DNAH14: variants seen among roughly 807,000 people sequenced by gnomAD.
DNAH14 encodes axonemal beta dynein heavy chain 14.
In DNAH14, 478 loss-of-function variants were observed where a neutral mutation model predicts 520.9. The ratio of observed to expected loss-of-function variants is 0.92; its 90% CI spans 0.85 to 0.99. DNAH14 has a LOEUF of 0.99. Among genes scored for constraint, DNAH14 ranks in the 50% least tolerant of loss-of-function variants. The pLI is 0.00. For synonymous variants in DNAH14, 1,581 were observed against 1,757.2 expected, an observed-to-expected ratio of 0.90 and a Z score of 2.51; for missense variants, 4,831 against 5,234.5, an observed-to-expected ratio of 0.92 and a Z score of 2.38.
chr1:225,380,251 T>G lies in DNAH14; in HGVS notation c.12809T>G (p.Val4270Gly). The G allele has an allele frequency of 6.4e-7, 1 of 1,551,704 alleles. No homozygotes were observed. The highest frequency in any genetic ancestry group is 1.2e-5 in the South Asian group (1 of 84,060). Residue 4270 changes from valine (V) to glycine (G), a missense_variant, in exon 80 of 86, where the codon GTT becomes GGT. Physicochemically the swap from Val to Gly is moderately radical, Grantham distance 109 (BLOSUM62 -3). Coordinates refer to ENST00000682510, the MANE Select transcript of DNAH14 (RefSeq NM_001367479.1). ...PLTVEKEEIA[V>G]GTPSTLKSMM... The stretch of plus-strand genomic sequence containing the variant: ...ACAGTGGAGAAAGAAGAAATTGCTG[T>G]TGGAACTCCAAGCACATTGAAGAGC...
rs546370391 is a variant in DNAH14 at position 225,240,637 on chromosome 1, CA to C, written c.6568del (p.Ile2190LeufsTer18). On this transcript the variant is annotated frameshift_variant, in exon 43 of 86. Coordinates refer to ENST00000682510, the MANE Select transcript of DNAH14 (RefSeq NM_001367479.1). LOFTEE classifies it high-confidence loss of function. ...CCAGAGAAAAATCCTGATAAATTAA[CA>C]AAAATTATTCAAAAGCTTTTTGTGT... The part of the protein sequence containing the change: ...WYPEKNPDKL[T>X]KIIQKLFVFA... 2 of 1,550,480 alleles carry C rather than the reference CA, an allele frequency of 1.3e-6. No homozygotes were observed. Among genetic ancestry groups the C allele is most frequent in the Non-Finnish European group, 1.7e-6 (2 of 1,146,286 alleles).
intron 7 of DNAH14, among the ~76,000 whole-genome samples, chr1:224,972,061 G>A (rs1199093159): frequency 6.6e-6 from 1 of 152,104 alleles, no homozygotes; most frequent in African/African-American, 2.4e-5. Context: ...AATCCTCAGG[G>A]TCTGCTCTGC....
chr1:225,336,399 G>T (rs555202004), intron 66 of DNAH14, among the ~76,000 whole-genome samples: 22 of 152,114 alleles, frequency 1.4e-4, no homozygotes, highest in African/African-American at 4.6e-4. Context: ...ATAGGAATTG[G>T]TTTAATTCTC....
At chr1:225,127,831 T>A (rs2077918022) in intron 27 of DNAH14, among the ~76,000 whole-genome samples, 1 of 152,224 alleles carries the variant, frequency 6.6e-6, no homozygotes, top group Admixed American at 6.5e-5. Context: ...TGGCATGATT[T>A]TGCAGCGGCT....
At chr1:225,392,854 A>T (rs1281279901) in intron 84 of DNAH14, among the ~76,000 whole-genome samples, 1 of 152,164 alleles carries the variant, frequency 6.6e-6, no homozygotes. Context: ...CCAGGTGCTA[A>T]GTGGAAACCT....
At position 225,287,824 on chromosome 1, in the gene DNAH14, A is replaced by G. The variant is rs74561891; in HGVS notation, c.8272-2061A>G. Among the ~76,000 whole-genome samples, 1,516 of 152,256 alleles carry G rather than the reference A, an allele frequency of 1.0e-2. 43 individuals carry two copies. Among genetic ancestry groups the G allele is most frequent in the East Asian group, 0.073 (380 of 5,182 alleles). The stretch of plus-strand genomic sequence containing the variant: ...CTACAAGTGAAGTGCTAAAATAATC[A>G]TGGGGTTATGTCAGAGGGACACAAG... On this transcript the variant is annotated intron_variant, in intron 54 of 85. Coordinates refer to ENST00000682510, the MANE Select transcript of DNAH14 (RefSeq NM_001367479.1).
intron 10 of DNAH14, among the ~76,000 whole-genome samples, chr1:225,013,897 G>T (rs570223880): frequency 1.3e-5 from 2 of 152,140 alleles, no homozygotes; most frequent in Non-Finnish European, 2.9e-5. Context: ...GGGCTCCTTG[G>T]GGGTGGGATC....
chr1:225,270,760 C>T lies in DNAH14; in HGVS notation c.7565C>T (p.Ala2522Val). The T allele has an allele frequency of 6.4e-7, 1 of 1,551,294 alleles. No homozygotes were observed. The highest frequency in any genetic ancestry group is 8.7e-7 in the Non-Finnish European group (1 of 1,146,778). The change falls in exon 50 of 86, where the codon GCA becomes GTA. Residue 2522 changes from alanine (A) to valine (V), a missense_variant. Transcript: ENST00000682510. ...AATATTCAAGATCTGTCTATAGTTG[C>T]AGCTTGTGTTCCAGTTGTGAATGAT... Reference protein sequence around the residue: ...WKNIQDLSIVAACVPVVNDIS... With the variant: ...WKNIQDLSIVVACVPVVNDIS...
chr1:225,292,037 A>T (rs542935948), intron 55 of DNAH14, among the ~76,000 whole-genome samples: 1 of 152,052 alleles, frequency 6.6e-6, no homozygotes, highest in Admixed American at 6.6e-5. Context: ...CCTATTCTGT[A>T]GTTTGTCTTT....
chr1:225,289,867 A>G lies in DNAH14; in HGVS notation c.8272-18A>G, dbSNP rs767899152. The G allele has an allele frequency of 1.3e-5, 17 of 1,338,646 alleles. No individual in the cohort carries two copies. In the South Asian group the frequency reaches 3.9e-4, roughly 31 times the overall value. The allele number at this position is 1,338,646 out of a possible 1,614,324, so 82.9% of individuals were successfully genotyped here. A position where few individuals can be genotyped will look rare whatever the true frequency, so the allele number is the denominator to read the frequency against. ...CCAGAAAATGTATGTCATGTGTTGT[A>G]TTTCTTTTCTCCCAAAGATTGGAAT... On this transcript the variant is annotated intron_variant, in intron 54 of 85. Transcript: ENST00000682510.
chr1:225,378,271 T>C (rs1182282223), intron 79 of DNAH14, among the ~76,000 whole-genome samples: 1 of 152,156 alleles, frequency 6.6e-6, no homozygotes, highest in Non-Finnish European at 1.5e-5. Context: ...TCTGTGGGAC[T>C]TAATCCAAAC....
rs758488872 is a variant in DNAH14, at chr1:225,353,864, C to G, written c.11595C>G (p.Leu3865=). 3.3e-6 allele frequency: 5 copies of G among 1,499,170 alleles called. No homozygotes were observed. In the South Asian group the frequency reaches 6.2e-5, roughly 19 times the overall value. 92.9% of individuals were successfully genotyped at this position (1,499,170 alleles called of 1,614,324 possible). A position where few individuals can be genotyped will look rare whatever the true frequency, so the allele number is the denominator to read the frequency against. The change falls in exon 73 of 86, where the codon CTC becomes CTG. Residue 3865 remains leucine (L), a synonymous_variant. Transcript: ENST00000682510. Reference sequence around the variant, plus strand: ...CTATAAATTTTCCCTGGGAGAAACTCACTTCATTTCAAAGACTTATTTTGG... The same window carrying G: ...CTATAAATTTTCCCTGGGAGAAACTGACTTCATTTCAAAGACTTATTTTGG... ...CNPINFPWEK[L]TSFQRLILVK... is the part of the protein sequence containing the mutation.
intron 55 of DNAH14, among the ~76,000 whole-genome samples, chr1:225,291,789 C>A (rs1377550192): frequency 1.3e-5 from 2 of 152,064 alleles, no homozygotes; most frequent in African/African-American, 4.8e-5. Context: ...GAGGTGATAG[C>A]TTATCATGGT....
At chr1:225,150,554 T>G (rs1366653097) in intron 31 of DNAH14, among the ~76,000 whole-genome samples, 1 of 152,178 alleles carries the variant, frequency 6.6e-6, no homozygotes, top group East Asian at 1.9e-4. Context: ...GTAGGCTATT[T>G]ATTACTGATT....
At chr1:224,974,040 A>G (rs1572164340) in intron 7 of DNAH14, 51 bp from the exon 8 acceptor site, 1 of 1,241,682 alleles carries the variant, frequency 8.1e-7, no homozygotes, top group East Asian at 2.8e-5. Context: ...TTTATTCCAT[A>G]TAAATACGTG....
Position 225,240,756 on chromosome 1 carries a change from C to T in DNAH14, c.6682C>T (p.Leu2228Phe). Residue 2228 changes from leucine to phenylalanine, a missense_variant, in exon 43 of 86, where the codon CTT becomes TTT. Physicochemically the swap from Leu to Phe is conservative, Grantham distance 22. Transcript: ENST00000682510. ...PFCPSLEPDS[L>F]AKVTYDFDKL... ...TTGTCCCAGTCTTGAACCTGATTCT[C>T]TTGCAAAAGTAACATACGATTTTGA... is the stretch of plus-strand genomic sequence containing the variant. The T allele has an allele frequency of 1.3e-6, 2 of 1,550,368 alleles. No homozygotes were observed. Among genetic ancestry groups the T allele is most frequent in the Non-Finnish European group, 1.7e-6 (2 of 1,146,156 alleles).
chr1:225,061,937 C>T (rs1384105426), intron 17 of DNAH14, among the ~76,000 whole-genome samples: 1 of 152,148 alleles, frequency 6.6e-6, no homozygotes, highest in African/African-American at 2.4e-5. Context: ...AATCTGTGAT[C>T]TAGCCATGAT....
chr1:225,280,521 C>G (rs980814520), intron 54 of DNAH14, among the ~76,000 whole-genome samples: 1 of 151,840 alleles, frequency 6.6e-6, no homozygotes, highest in South Asian at 2.1e-4. Flanking sequence ...ATGATGTGAA[C>G]CTGGGAGGCA....
At chr1:225,315,534 A>T (rs1288379424) in intron 60 of DNAH14, among the ~76,000 whole-genome samples, 1 of 151,336 alleles carries the variant, frequency 6.6e-6, no homozygotes, top group East Asian at 2.0e-4. Context: ...GTGTTTTGGA[A>T]TTTTCAGCAT....
Sources: gnomAD v4.1 joint callset for allele counts (sites outside exome capture counted in the v4.1 genomes callset) on GRCh38, gnomAD v4.1.1 for gene constraint, MANE v1.5 for transcripts, NCBI Gene and HGNC (gene_info 2026-07-23, HGNC 2026-07-21) for gene names.